The following HLX variants were observed in gnomAD, a reference collection of about 807,000 sequenced individuals.
HLX encodes H2.0-like homeobox protein.
In HLX, 6 loss-of-function variants were observed where a neutral mutation model predicts 27.7. The observed-to-expected ratio is 0.22, with a 90% CI of 0.12 to 0.43. The LOEUF is 0.43. HLX is among the 20% of genes least tolerant of loss of function. The pLI, the probability that HLX is intolerant of heterozygous loss-of-function variation, is 1.00. For missense variants in HLX, 666 were observed against 655.2 expected, an observed-to-expected ratio of 1.02 and a Z score of -0.18; for synonymous variants, 328 against 293.8, an observed-to-expected ratio of 1.12 and a Z score of -1.19.
intron 2 of HLX, chr1:220,881,662 C>T: frequency 3.9e-6 from 2 of 512,472 alleles, no homozygotes; most frequent in South Asian, 2.1e-5. Flanking sequence ...TTGAAAAATG[C>T]AGCATCAATG....
At chr1:220,881,932 C>G in intron 2 of HLX, 1 of 611,238 alleles carries the variant, frequency 1.6e-6, no homozygotes, top group South Asian at 1.7e-5. Flanking sequence ...AAAGGACAAG[C>G]CGCCAGGCTT....
At chr1:220,880,499 CG>C in intron 1 of HLX, 50 bp downstream of exon 1, 1 of 1,602,116 alleles carries the variant, frequency 6.2e-7, no homozygotes, top group Non-Finnish European at 8.5e-7. Context: ...ACCCACTCCC[CG>C]GACCCCGGGC....
chr1:220,883,002 C>G (rs1370355246), intron 3 of HLX: 1 of 152,136 alleles, frequency 6.6e-6, no homozygotes, highest in Non-Finnish European at 1.5e-5. Context: ...GCAGGTTCTG[C>G]CTATTTGAAT....
intron 2 of HLX, 189 bp downstream of exon 2, chr1:220,881,562 A>C: frequency 4.6e-6 from 3 of 655,104 alleles, no homozygotes; most frequent in Non-Finnish European, 5.5e-6. Flanking sequence ...TTCCCCTTGA[A>C]AAGGGGTAGA....
Position 220,880,073 on chromosome 1 carries a change from C to A in HLX, c.216C>A (p.Leu72=), listed in dbSNP as rs1387145751. 1.3e-6 allele frequency: 2 copies of A among 1,591,164 alleles called. No homozygotes were observed. The highest frequency in any genetic ancestry group is 1.1e-5 in the South Asian group (1 of 90,050). The change falls in exon 1 of 4, where the codon CTC becomes CTA. Residue 72 remains leucine (L), a synonymous_variant. Coordinates refer to ENST00000366903, the MANE Select transcript of HLX (RefSeq NM_021958.4). ...EGLAGASAAA[L]TAHLGSVHPH... Reference sequence around the variant, plus strand: ...TGGCAGGGGCCTCGGCCGCCGCCCTCACCGCGCACTTGGGCTCGGTTCACC... The same window carrying A: ...TGGCAGGGGCCTCGGCCGCCGCCCTAACCGCGCACTTGGGCTCGGTTCACC...
rs923402538 is a variant in HLX at position 220,881,181 on chromosome 1, C to A, written c.593-13C>A. The stretch of plus-strand genomic sequence containing the variant: ...CCGAGATGTAACCTGCTATCCTTTT[C>A]CCTTGTCCCCAGATCTCACTTCCCT... On this transcript the variant is annotated splice_polypyrimidine_tract_variant and intron_variant, in intron 1 of 3. Transcript: ENST00000366903. 1 of 1,612,408 alleles carries A rather than the reference C, an allele frequency of 6.2e-7. No homozygotes were observed. The highest frequency in any genetic ancestry group is 2.2e-5 in the East Asian group (1 of 44,854).
At chr1:220,881,762 AAACACAC>A in intron 2 of HLX, 1 of 363,548 alleles carries the variant, frequency 2.8e-6, no homozygotes, top group Non-Finnish European at 5.1e-6. Context: ...ATGCGGGAAT[AAACACAC>A]ACACACACAC....
chr1:220,880,090 C>G lies in HLX; in HGVS notation c.233C>G (p.Ser78Trp). 4 of 1,595,686 alleles carry G rather than the reference C, an allele frequency of 2.5e-6. No homozygotes were observed. Among genetic ancestry groups the G allele is most frequent in the African/African-American group, 1.3e-5 (1 of 74,760 alleles). ...GCCGCCCTCACCGCGCACTTGGGCT[C>G]GGTTCACCCGCACGCCTCTTTCCAA... ...SAAALTAHLG[S>W]VHPHASFQAA... is the part of the protein sequence containing the mutation. The change falls in exon 1 of 4, where the codon TCG (serine) becomes TGG (tryptophan). Residue 78 changes from serine to tryptophan, a missense_variant. Ser to Trp is a radical substitution (Grantham distance 177, BLOSUM62 -3). Transcript: ENST00000366903.
Position 220,880,087 on chromosome 1 carries a change from G to A in HLX, c.230G>A (p.Gly77Asp), listed in dbSNP as rs1674389932. ...ASAAALTAHL[G>D]SVHPHASFQA... ...GCCGCCGCCCTCACCGCGCACTTGG[G>A]CTCGGTTCACCCGCACGCCTCTTTC... is the stretch of plus-strand genomic sequence containing the variant. The change falls in exon 1 of 4, where the codon GGC becomes GAC. Residue 77 changes from glycine (G) to aspartate (D), a missense_variant. Gly to Asp is a moderately conservative substitution (Grantham distance 94). Transcript: ENST00000366903. 1 of 1,594,878 alleles carries A rather than the reference G, an allele frequency of 6.3e-7. No homozygotes were observed. Among genetic ancestry groups the A allele is most frequent in the Non-Finnish European group, 8.5e-7 (1 of 1,173,176 alleles).
At position 220,881,219 on chromosome 1, in the gene HLX, G is replaced by T; in HGVS notation, c.618G>T (p.Gly206=). ...LRDLTSLLTG[G]RPAGVHLSGL... ...ATCTCACTTCCCTGCTAACCGGTGG[G>T]CGGCCCGCCGGGGTGCACCTCTCAG... Residue 206 remains glycine, a synonymous_variant, in exon 2 of 4, where the codon GGG becomes GGT. Coordinates refer to ENST00000366903, the MANE Select transcript of HLX (RefSeq NM_021958.4). 6.2e-7 allele frequency: 1 copy of T among 1,614,012 alleles called. No individual in the cohort carries two copies. The highest frequency in any genetic ancestry group is 8.5e-7 in the Non-Finnish European group (1 of 1,179,920).
In HLX at chr1:220,884,415, G is replaced by A. The variant is rs77213368; in HGVS notation, c.1178G>A (p.Arg393Gln). Residue 393 changes from arginine to glutamine, a missense_variant, in exon 4 of 4, where the codon CGG becomes CAG. Arg to Gln is a conservative substitution (Grantham distance 43). Transcript: ENST00000366903. The surrounding 1 kb of genome is among the most constrained non-coding windows in gnomAD (Gnocchi z 4.9). ...GACATGGCCCCCAGCGACACGGAGC[G>A]GACTGAGGGGAGTGAGCGTTCTCTG... ...SLDMAPSDTE[R>Q]TEGSERSLHQ... is the part of the protein sequence containing the mutation. 9.4e-4 allele frequency: 1,519 copies of A among 1,614,132 alleles called. 11 individuals are homozygous for A. In the African/African-American group the frequency reaches 0.014, roughly 15 times the overall value.
Position 220,879,655 on chromosome 1 carries a change from C to T in HLX, c.-203C>T, listed in dbSNP as rs1177330862. ...TTTAAAGCGAGGCCAGGGAGCGAGG[C>T]GGTGACCGGCCGAGATCCGGCCCTC... On this transcript the variant is annotated 5_prime_UTR_variant, in exon 1 of 4. Transcript: ENST00000366903. 2 of 782,794 alleles carry T rather than the reference C, an allele frequency of 2.6e-6. No homozygotes were observed. Among genetic ancestry groups the T allele is most frequent in the Non-Finnish European group, 3.7e-6 (2 of 534,364 alleles). The allele number at this position is 782,794 out of a possible 1,614,324, so 48.5% of individuals were successfully genotyped here.
rs764207745 is a variant in HLX, at chr1:220,880,256, G to T, written c.399G>T (p.Pro133=). ...HPQQQQQQQQ[P]QQQQPPPPPR... ...AACAACAACAGCAGCAGCAACAGCC[G>T]CAGCAGCAACAGCCTCCGCCTCCGC... Residue 133 remains proline (P), a synonymous_variant, in exon 1 of 4, where the codon CCG becomes CCT. Coordinates refer to ENST00000366903, the MANE Select transcript of HLX (RefSeq NM_021958.4). 7 of 1,613,140 alleles carry T rather than the reference G, an allele frequency of 4.3e-6. No individual in the cohort carries two copies. The highest frequency in any genetic ancestry group is 1.7e-5 in the Admixed American group (1 of 59,940).
At position 220,879,901 on chromosome 1, in the gene HLX, G is replaced by C. The variant is rs760526428; in HGVS notation, c.44G>C (p.Ser15Thr). The change falls in exon 1 of 4, where the codon AGC (serine) becomes ACC (threonine). Residue 15 changes from serine to threonine, a missense_variant. Ser to Thr is a moderately conservative substitution (Grantham distance 58). Coordinates refer to ENST00000366903, the MANE Select transcript of HLX (RefSeq NM_021958.4). ...GLAPFYASNF[S>T]LWSAAYCSSA... is the part of the protein sequence containing the mutation. The stretch of plus-strand genomic sequence containing the variant: ...GCTCCCTTCTACGCCTCCAACTTCA[G>C]CCTCTGGTCGGCCGCTTACTGCTCC... The C allele has an allele frequency of 3.2e-5, 51 of 1,593,984 alleles. No homozygotes were observed. The Admixed American group carries it at 8.4e-4, about 26-fold the overall frequency.
In HLX at chr1:220,879,662, C is replaced by T. The variant is rs1674379110; in HGVS notation, c.-196C>T. 2.3e-6 allele frequency: 2 copies of T among 856,974 alleles called. No individual in the cohort carries two copies. Among genetic ancestry groups the T allele is most frequent in the South Asian group, 2.1e-5 (1 of 47,036 alleles). The allele number at this position is 856,974 out of a possible 1,614,324, so 53.1% of individuals were successfully genotyped here. The stretch of plus-strand genomic sequence containing the variant: ...CGAGGCCAGGGAGCGAGGCGGTGAC[C>T]GGCCGAGATCCGGCCCTCGCCTCCT... On this transcript the variant is annotated 5_prime_UTR_variant, in exon 1 of 4. Transcript: ENST00000366903.
rs745788912 is a variant in HLX at position 220,884,236 on chromosome 1, C to T, written c.999C>T (p.His333=). The change falls in exon 4 of 4, where the codon CAC becomes CAT. Residue 333 remains histidine, a synonymous_variant. Coordinates refer to ENST00000366903, the MANE Select transcript of HLX (RefSeq NM_021958.4). This position sits in a 1 kb window ranked among gnomAD's most constrained non-coding sequence, Gnocchi z 4.9. ...WFQNRRMKWR[H]SKEAQAQKDK... ...AGAACCGGCGGATGAAGTGGCGGCA[C>T]TCCAAGGAGGCCCAGGCCCAAAAGG... 12 of 1,613,804 alleles carry T rather than the reference C, an allele frequency of 7.4e-6. No homozygotes were observed. The South Asian group carries it at 8.8e-5, about 12-fold the overall frequency.
At chr1:220,881,126 G>A in intron 1 of HLX, 68 bp from the exon 2 acceptor site, 1 of 1,380,996 alleles carries the variant, frequency 7.2e-7, no homozygotes, top group Non-Finnish European at 1.0e-6. Flanking sequence ...GGGAAGGGGA[G>A]GAACAAATCA....
rs1001812349 is a variant in HLX at position 220,884,922 on chromosome 1, A to T, written c.*218A>T. 1 of 698,922 alleles carries T rather than the reference A, an allele frequency of 1.4e-6. No homozygotes were observed. The highest frequency in any genetic ancestry group is 2.7e-5 in the East Asian group (1 of 36,416). The allele number at this position is 698,922 out of a possible 1,614,324, so 43.3% of individuals were successfully genotyped here. ...TCAGTGTCCTGCTAGCCAGCCGAAC[A>T]CTTCTCTCCGGAAGCAGGCTGGTTC... On this transcript the variant is annotated 3_prime_UTR_variant, in exon 4 of 4. Transcript: ENST00000366903. This position sits in a 1 kb window ranked among gnomAD's most constrained non-coding sequence, Gnocchi z 4.9.
chr1:220,883,330 C>G (rs1337799390), intron 3 of HLX: 4 of 136,712 alleles, frequency 2.9e-5, no homozygotes, highest in Non-Finnish European at 3.2e-5. Context: ...CACACACACA[C>G]ACGAGGAGCC....
Sources: allele counts gnomAD v4.1 joint callset, GRCh38; gene constraint gnomAD v4.1.1; non-coding constraint Gnocchi (gnomAD v3.1); transcripts MANE v1.5; gene names NCBI Gene and HGNC (gene_info 2026-07-23, HGNC 2026-07-21).